The following RAB28 variants were observed in gnomAD, a reference collection of about 807,000 sequenced individuals.
RAB28 encodes the protein ras-related protein Rab-28.
RAB28 carries 24 observed loss-of-function variants against 31.7 expected under a neutral mutation model. The ratio of observed to expected loss-of-function variants is 0.76; its 90% confidence interval spans 0.55 to 1.06. The LOEUF is 1.06. Ranked by LOEUF, RAB28 falls within the 50% of genes least tolerant of loss-of-function variation. The probability of loss-of-function intolerance (pLI) is 0.00; values close to 1 mark genes in which losing one functional copy is unlikely to be tolerated. For synonymous variants in RAB28, 100 were observed against 90.4 expected, an observed-to-expected ratio of 1.11 and a Z score of -0.60; for missense variants, 254 against 258.5, an observed-to-expected ratio of 0.98 and a Z score of 0.12.
At chr4:13,449,773 TGATAATTCCCACCCCCAATACAAGTTACC>T (rs1714869285) in intron 4 of RAB28, among the ~76,000 whole-genome samples, 2 of 151,870 alleles carry the variant, frequency 1.3e-5, no homozygotes, top group African/African-American at 4.8e-5. Flanking sequence ...TACTGGAGCA[TGATAATTCCCACCCCCAATACAAGTTACC>T]GATAACCACC....
intron 4 of RAB28, among the ~76,000 whole-genome samples, chr4:13,397,258 A>T (rs1271162131): frequency 6.6e-6 from 1 of 152,136 alleles, no homozygotes; most frequent in African/African-American, 2.4e-5. Flanking sequence ...AAAATATTAA[A>T]TGGCAAAACA....
At position 13,368,444 on chromosome 4, in the gene RAB28, A is replaced by G; in HGVS notation, c.*114T>C. On this transcript the variant is annotated 3_prime_UTR_variant, in exon 7 of 7. Transcript: ENST00000330852. ...AGCAATGATGAAGCAAGTTGGGAGT[A>G]AAGTGTTAACTGAACTACAGAGATG... 1 of 1,324,940 alleles carries G rather than the reference A, an allele frequency of 7.5e-7. No individual in the cohort carries two copies. Among genetic ancestry groups the G allele is most frequent in the South Asian group, 2.4e-5 (1 of 41,740 alleles). The allele number at this position is 1,324,940 out of a possible 1,614,324, so 82.1% of individuals were successfully genotyped here. A position where few individuals can be genotyped will look rare whatever the true frequency, so the allele number is the denominator to read the frequency against.
In RAB28 at chr4:13,460,154, A is replaced by G. The variant is rs185681089; in HGVS notation, c.391+545T>C. Among the ~76,000 whole-genome samples, 5 of 152,326 alleles carry G rather than the reference A, an allele frequency of 3.3e-5. No homozygotes were observed. In the East Asian group the frequency reaches 5.8e-4, roughly 18 times the overall value. Reference sequence around the variant, plus strand: ...AACTACAGGATAGGCAAATGTCTCAATAAGTCCTCTGTTTGGGCTGCCATA... The same window carrying G: ...AACTACAGGATAGGCAAATGTCTCAGTAAGTCCTCTGTTTGGGCTGCCATA... On this transcript the variant is annotated intron_variant, in intron 4 of 6. Coordinates refer to ENST00000330852, the MANE Select transcript of RAB28 (RefSeq NM_001017979.3).
chr4:13,373,732 T>G (rs1183285202), intron 6 of RAB28, among the ~76,000 whole-genome samples: 1 of 152,168 alleles, frequency 6.6e-6, no homozygotes, highest in African/African-American at 2.4e-5. Context: ...TGTCAGTGAA[T>G]GAAACTAGGA....
intron 2 of RAB28, among the ~76,000 whole-genome samples, chr4:13,476,967 G>C (rs367855026): frequency 6.6e-6 from 1 of 151,276 alleles, no homozygotes; most frequent in Non-Finnish European, 1.5e-5. Flanking sequence ...CCTTGTAAAA[G>C]TACACTTGGT....
chr4:13,458,657 A>C (rs565973876), intron 4 of RAB28, among the ~76,000 whole-genome samples: 1 of 152,296 alleles, frequency 6.6e-6, no homozygotes, highest in African/African-American at 2.4e-5. Context: ...CGGGCTACAT[A>C]TATGATGGTG....
intron 4 of RAB28, among the ~76,000 whole-genome samples, chr4:13,412,652 A>C (rs947976846): frequency 1.3e-5 from 2 of 152,150 alleles, no homozygotes. Context: ...AGGAATCAGC[A>C]CAGACTTTAT....
At chr4:13,413,593 G>T (rs971993264) in intron 4 of RAB28, among the ~76,000 whole-genome samples, 2 of 151,830 alleles carry the variant, frequency 1.3e-5, no homozygotes, top group Admixed American at 6.6e-5. Context: ...TAATGAACCC[G>T]CAGAGAAAAA....
At chr4:13,465,310 G>A (rs1021815897) in intron 3 of RAB28, among the ~76,000 whole-genome samples, 2 of 151,122 alleles carry the variant, frequency 1.3e-5, no homozygotes, top group Non-Finnish European at 2.9e-5. Flanking sequence ...ACACCAATTT[G>A]GATAAATACC....
chr4:13,371,393 T>C (rs1000224643), intron 6 of RAB28: 6 of 985,304 alleles, frequency 6.1e-6, no homozygotes, highest in Non-Finnish European at 7.2e-6. Context: ...GAGATGGGAT[T>C]TTCATAATCA....
At chr4:13,384,953 G>A (rs887394164) in intron 4 of RAB28, among the ~76,000 whole-genome samples, 3 of 152,094 alleles carry the variant, frequency 2.0e-5, no homozygotes, top group African/African-American at 7.2e-5. Flanking sequence ...CCAATCCAAG[G>A]AAGATCCAAA....
At chr4:13,480,272 A>C (rs1716550038) in intron 1 of RAB28, among the ~76,000 whole-genome samples, 1 of 151,784 alleles carries the variant, frequency 6.6e-6, no homozygotes, top group African/African-American at 2.4e-5. Flanking sequence ...ACCATTTCTT[A>C]TCAAAGCAAA....
chr4:13,368,588 A>C lies in RAB28; in HGVS notation c.636T>G (p.Pro212=), dbSNP rs1728600432. The C allele has an allele frequency of 6.2e-7, 1 of 1,612,400 alleles. No homozygotes were observed. The highest frequency in any genetic ancestry group is 1.7e-5 in the Admixed American group (1 of 59,824). Residue 212 remains proline (P), a synonymous_variant, in exon 7 of 7, where the codon CCT becomes CCG. Transcript: ENST00000330852. ...NQEPMSRTVN[P]PRSSMCAVQ ...GAACTGCACACATAGAGCTTCTAGGAGGGTTAACAGTCCTTGACATAGGTT... is the reference window on the plus strand; with the variant it reads ...GAACTGCACACATAGAGCTTCTAGGCGGGTTAACAGTCCTTGACATAGGTT...
At chr4:13,458,569 C>T (rs941630835) in intron 4 of RAB28, among the ~76,000 whole-genome samples, 1 of 152,080 alleles carries the variant, frequency 6.6e-6, no homozygotes, top group African/African-American at 2.4e-5. Context: ...TTTCTGACCT[C>T]AAATAAGTTA....
intron 4 of RAB28, among the ~76,000 whole-genome samples, chr4:13,421,558 T>G (rs550420371): frequency 1.3e-5 from 2 of 151,968 alleles, no homozygotes; most frequent in Non-Finnish European, 2.9e-5. Context: ...AAAAGAGAGA[T>G]AGAACAATCT....
intron 4 of RAB28, among the ~76,000 whole-genome samples, chr4:13,415,312 G>A (rs1385430935): frequency 6.6e-6 from 1 of 152,200 alleles, no homozygotes; most frequent in Admixed American, 6.5e-5. Flanking sequence ...GGCACTTGAG[G>A]AAGTGCCCGC....
intron 6 of RAB28, among the ~76,000 whole-genome samples, chr4:13,375,284 C>G (rs908084246): frequency 6.6e-6 from 1 of 152,120 alleles, no homozygotes; most frequent in African/African-American, 2.4e-5. Flanking sequence ...ATAACACAGT[C>G]CCCCTGGCAC....
At chr4:13,390,907 A>G (rs1729599127) in intron 4 of RAB28, among the ~76,000 whole-genome samples, 1 of 152,228 alleles carries the variant, frequency 6.6e-6, no homozygotes, top group African/African-American at 2.4e-5. Context: ...AATTAATTCA[A>G]GATGGATTAA....
chr4:13,419,978 T>C (rs1169743424), intron 4 of RAB28, among the ~76,000 whole-genome samples: 1 of 151,726 alleles, frequency 6.6e-6, no homozygotes, highest in African/African-American at 2.4e-5. Flanking sequence ...GCTGGTTTTT[T>C]CAAAAGATCC....
Sources: allele counts gnomAD v4.1 joint callset (sites outside exome capture counted in the v4.1 genomes callset), GRCh38; gene constraint gnomAD v4.1.1; transcripts MANE v1.5; gene names NCBI Gene and HGNC (gene_info 2026-07-23, HGNC 2026-07-21).